The following FOXK2 variants were observed in gnomAD, a reference collection of about 807,000 sequenced individuals.
FOXK2 encodes forkhead box K2.
Under a neutral mutation model 53.3 loss-of-function variants are expected in FOXK2, and 24 were observed. The ratio of observed to expected loss-of-function variants is 0.45; its 90% CI spans 0.33 to 0.63. The LOEUF (loss-of-function observed/expected upper bound fraction) is 0.63, where lower values mean the gene tolerates loss of function less well. FOXK2 is among the 30% of genes least tolerant of loss of function. The pLI, the probability that FOXK2 is intolerant of heterozygous loss-of-function variation, is 0.03. For missense variants in FOXK2, 952 were observed against 910.5 expected, an observed-to-expected ratio of 1.05 and a Z score of -0.59; for synonymous variants, 505 against 407.1, an observed-to-expected ratio of 1.24 and a Z score of -2.89.
chr17:82,563,283 G>T, intron 1 of FOXK2, 71 bp from the exon 2 acceptor site: 2 of 1,434,656 alleles, frequency 1.4e-6, no homozygotes, highest in Middle Eastern at 1.8e-4. Context: ...GTGTTGTGGG[G>T]ACATGTGGGG....
intron 8 of FOXK2, among the ~76,000 whole-genome samples, chr17:82,590,710 C>T (rs2045244844): frequency 6.6e-6 from 1 of 152,058 alleles, no homozygotes; most frequent in Non-Finnish European, 1.5e-5. Context: ...TGGGTTCCTA[C>T]TATATTAAGC....
At chr17:82,570,018 C>A (rs563635251) in intron 3 of FOXK2, among the ~76,000 whole-genome samples, 2 of 150,390 alleles carry the variant, frequency 1.3e-5, no homozygotes, top group Non-Finnish European at 3.0e-5. Context: ...GTCAGGAGAT[C>A]GAGACCATCC....
rs199580353 is a variant in FOXK2, at chr17:82,590,921, AG to A, written c.1786+3651del. Among the ~76,000 whole-genome samples, 1,517 of 152,280 alleles carry A rather than the reference AG, an allele frequency of 1.0e-2. 19 individuals are homozygous for A. Among genetic ancestry groups the A allele is most frequent in the Middle Eastern group, 0.017 (5 of 294 alleles). On this transcript the variant is annotated intron_variant, in intron 8 of 8. Coordinates refer to ENST00000335255, the MANE Select transcript of FOXK2 (RefSeq NM_004514.4). ...CTCAGCACCACGAGCAGATAGGCCG[AG>A]GCTGGGCTGCCTGCCCTAAGGGGGT... is the stretch of plus-strand genomic sequence containing the variant.
intron 4 of FOXK2, among the ~76,000 whole-genome samples, chr17:82,574,318 TC>T (rs1310105390): frequency 1.5e-5 from 2 of 134,926 alleles, no homozygotes; most frequent in Non-Finnish European, 3.1e-5. Context: ...CATTACTCTC[TC>T]TCTTTTTTTT....
intron 1 of FOXK2, among the ~76,000 whole-genome samples, chr17:82,544,958 A>G (rs1303837355): frequency 1.3e-5 from 2 of 151,498 alleles, no homozygotes; most frequent in East Asian, 1.9e-4. Flanking sequence ...ACGGAGATGG[A>G]AAAAAATAAT....
At chr17:82,573,599 C>CAT (rs1283468210) in intron 4 of FOXK2, among the ~76,000 whole-genome samples, 1 of 147,140 alleles carries the variant, frequency 6.8e-6, no homozygotes, top group Non-Finnish European at 1.5e-5. Flanking sequence ...CACACACACA[C>CAT]AACCAGATAA....
At chr17:82,563,320 CA>C in intron 1 of FOXK2, 33 bp from the exon 2 acceptor site, 2 of 1,594,350 alleles carry the variant, frequency 1.3e-6, no homozygotes, top group South Asian at 1.1e-5. Context: ...GCTGGAACAG[CA>C]AAAGGTGCTG....
intron 1 of FOXK2, among the ~76,000 whole-genome samples, chr17:82,535,702 T>C (rs549005126): frequency 6.6e-6 from 1 of 152,232 alleles, no homozygotes; most frequent in East Asian, 1.9e-4. Context: ...TCCTGTTTGG[T>C]TCACACACAC....
intron 8 of FOXK2, among the ~76,000 whole-genome samples, chr17:82,592,330 C>T (rs189190674): frequency 8.6e-4 from 131 of 152,364 alleles, no homozygotes; most frequent in African/African-American, 3.0e-3. Flanking sequence ...TTGACTCCTC[C>T]GGCCTCTCTA....
At position 82,577,094 on chromosome 17, in the gene FOXK2, G is replaced by A. The variant is rs376011605; in HGVS notation, c.909+5224G>A. Reference sequence around the variant, plus strand: ...GGAGAATTGTTTGAACCCACATGGCGGAGACTGCGGTGAGCTGATACCGCG... The same window carrying A: ...GGAGAATTGTTTGAACCCACATGGCAGAGACTGCGGTGAGCTGATACCGCG... On this transcript the variant is annotated intron_variant, in intron 4 of 8. Transcript: ENST00000335255. 44 of 482,362 alleles carry A rather than the reference G, an allele frequency of 9.1e-5. 1 individual carries two copies. Among genetic ancestry groups the A allele is most frequent in the Admixed American group, 2.0e-4 (6 of 29,512 alleles). The allele number at this position is 482,362 out of a possible 1,614,324, so 29.9% of individuals were successfully genotyped here.
intron 4 of FOXK2, among the ~76,000 whole-genome samples, chr17:82,581,790 A>G (rs569153594): frequency 1.2e-4 from 19 of 152,186 alleles, no homozygotes; most frequent in Non-Finnish European, 2.6e-4. Context: ...TTGTATGTTC[A>G]GTAGAGACGG....
intron 8 of FOXK2, chr17:82,593,615 G>A (rs936467299): frequency 6.6e-6 from 1 of 152,360 alleles, no homozygotes; most frequent in Non-Finnish European, 1.5e-5. Flanking sequence ...TCCCTCACAA[G>A]GACCCTTGCA....
At chr17:82,570,831 C>G in intron 3 of FOXK2, among the ~76,000 whole-genome samples, 1 of 152,320 alleles carries the variant, frequency 6.6e-6, no homozygotes, top group African/African-American at 2.4e-5. Context: ...CAAGTTGTCA[C>G]TATGACAGGG....
chr17:82,573,534 A>ACT (rs1567978743), intron 4 of FOXK2, among the ~76,000 whole-genome samples: 3 of 103,500 alleles, frequency 2.9e-5, no homozygotes, highest in African/African-American at 1.2e-4. Context: ...ATACACACAC[A>ACT]CACTCTCTCT....
chr17:82,567,625 C>T (rs1200089140), intron 2 of FOXK2, among the ~76,000 whole-genome samples: 1 of 152,238 alleles, frequency 6.6e-6, no homozygotes, highest in Non-Finnish European at 1.5e-5. Context: ...TCCCCTCCCC[C>T]ACCACCCCGA....
chr17:82,594,371 G>A (rs532891985), intron 8 of FOXK2, among the ~76,000 whole-genome samples: 77 of 152,210 alleles, frequency 5.1e-4, no homozygotes, highest in African/African-American at 1.8e-3. Flanking sequence ...GGTGGCGGGC[G>A]CCTGTAGTCC....
intron 1 of FOXK2, 75 bp from the exon 2 acceptor site, chr17:82,563,279 T>TG (rs2044816731): frequency 7.1e-7 from 1 of 1,399,218 alleles, no homozygotes; most frequent in Non-Finnish European, 9.8e-7. Context: ...TCCAGTGTTG[T>TG]GGGGACATGT....
chr17:82,520,266 G>T lies in FOXK2; in HGVS notation c.378G>T (p.Val126=). 7.8e-7 allele frequency: 1 copy of T among 1,275,726 alleles called. No individual in the cohort carries two copies. Among genetic ancestry groups the T allele is most frequent in the Non-Finnish European group, 9.9e-7 (1 of 1,006,962 alleles). 79.0% of individuals were successfully genotyped at this position (1,275,726 alleles called of 1,614,324 possible). Residue 126 remains valine (V), a synonymous_variant, in exon 1 of 9, where the codon GTG becomes GTT. Transcript: ENST00000335255. ...LGKNGVFVDG[V]FQRRGAPPLQ... ...AGAACGGGGTATTCGTGGACGGCGT[G>T]TTCCAGAGGCGCGGGGCGCCGCCGC...
At chr17:82,595,227 G>A (rs893066080) in intron 8 of FOXK2, among the ~76,000 whole-genome samples, 6 of 152,194 alleles carry the variant, frequency 3.9e-5, no homozygotes, top group Admixed American at 3.9e-4. Flanking sequence ...ATTCCCATTA[G>A]GTCGTCCTTT....
Sources: gnomAD v4.1 joint callset for allele counts (sites outside exome capture counted in the v4.1 genomes callset) on GRCh38, gnomAD v4.1.1 for gene constraint, MANE v1.5 for transcripts, NCBI Gene and HGNC (gene_info 2026-07-23, HGNC 2026-07-21) for gene names.